Variants in PAK5 observed in about 807,000 individuals in gnomAD.
The protein encoded by PAK5 is serine/threonine-protein kinase PAK 5.
Under a neutral mutation model 65.9 loss-of-function variants are expected in PAK5, and 16 were observed. The ratio of observed to expected loss-of-function variants is 0.24; its 90% confidence interval spans 0.16 to 0.37. PAK5 has a LOEUF of 0.37. PAK5 is among the 10% of genes least tolerant of loss of function. PAK5 has a pLI of 1.00. For missense variants in PAK5, 785 were observed against 903.9 expected (o/e 0.87, Z 1.69); for synonymous variants, 371 against 354.9 (o/e 1.05, Z -0.51).
At chr20:9,766,372 CAAGCAGAATATATA>C (rs2048762021) in intron 1 of PAK5, among the ~76,000 whole-genome samples, 2 of 32,366 alleles carry the variant, frequency 6.2e-5, no homozygotes. Context: ...TATATATATT[CAAGCAGAATATATA>C]TGTATATATA....
chr20:9,669,846 T>C lies in PAK5; in HGVS notation c.-11-25507A>G, dbSNP rs2047470575. Among the ~76,000 whole-genome samples the C allele has an allele frequency of 2.0e-5, 3 of 152,170 alleles. No homozygotes were observed. The South Asian group carries it at 6.2e-4, about 31-fold the overall frequency. On this transcript the variant is annotated intron_variant, in intron 2 of 9. Transcript: ENST00000353224. ...TGCAGGTTTGTTACATACGTATACATGTGCCATGTTGGTGTGCTTTACCCA... is the reference window on the plus strand; with the variant it reads ...TGCAGGTTTGTTACATACGTATACACGTGCCATGTTGGTGTGCTTTACCCA...
At chr20:9,625,525 CT>C (rs2046832260) in intron 3 of PAK5, among the ~76,000 whole-genome samples, 1 of 152,202 alleles carries the variant, frequency 6.6e-6, no homozygotes, top group Non-Finnish European at 1.5e-5. Context: ...AAAAGTAAGA[CT>C]TTTTTGAATT....
chr20:9,651,716 G>A (rs2047205510), intron 2 of PAK5, among the ~76,000 whole-genome samples: 1 of 152,172 alleles, frequency 6.6e-6, no homozygotes, highest in African/African-American at 2.4e-5. Flanking sequence ...GGAGGAAGTA[G>A]TTGGCAGGCA....
chr20:9,599,328 A>C (rs1337095656), intron 3 of PAK5, among the ~76,000 whole-genome samples: 10 of 152,186 alleles, frequency 6.6e-5, no homozygotes, highest in Admixed American at 5.9e-4. Flanking sequence ...ATTGATATAC[A>C]ATAATCTGTT....
intron 6 of PAK5, among the ~76,000 whole-genome samples, chr20:9,560,034 T>G (rs2045568944): frequency 6.6e-6 from 1 of 152,222 alleles, no homozygotes; most frequent in Admixed American, 6.5e-5. Context: ...TTTAATAAAA[T>G]TATTTTCTCT....
In PAK5 at chr20:9,711,429, T is replaced by A. The variant is rs1231595870; in HGVS notation, c.-155A>T. 6.6e-6 allele frequency: 1 copy of A among 152,168 alleles called. No homozygotes were observed. 9.4% of individuals were successfully genotyped at this position (152,168 alleles called of 1,614,324 possible). A position where few individuals can be genotyped will look rare whatever the true frequency, so the allele number is the denominator to read the frequency against. ...AAGAGGTGGAAGCATTTCACCACAG[T>A]GTATTTCTGTAACAATATAGTACCA... On this transcript the variant is annotated 5_prime_UTR_variant, in exon 2 of 10. Coordinates refer to ENST00000353224, the MANE Select transcript of PAK5 (RefSeq NM_177990.4).
intron 2 of PAK5, among the ~76,000 whole-genome samples, chr20:9,654,425 G>T (rs548821382): frequency 1.1e-4 from 17 of 152,132 alleles, no homozygotes; most frequent in African/African-American, 4.1e-4. Flanking sequence ...CAGGGATGAG[G>T]ATGATGACGT....
intron 1 of PAK5, among the ~76,000 whole-genome samples, chr20:9,763,912 T>A (rs1038701023): frequency 6.6e-6 from 1 of 152,124 alleles, no homozygotes; most frequent in Non-Finnish European, 1.5e-5. Context: ...ATCCTTTTTT[T>A]CTGAATCACC....
chr20:9,603,399 T>C (rs1859517968), intron 3 of PAK5, among the ~76,000 whole-genome samples: 1 of 152,146 alleles, frequency 6.6e-6, no homozygotes, highest in South Asian at 2.1e-4. Flanking sequence ...TCCCTTCCAT[T>C]CATTCCACCT....
intron 6 of PAK5, among the ~76,000 whole-genome samples, chr20:9,558,963 C>G (rs1423910897): frequency 6.6e-6 from 1 of 152,168 alleles, no homozygotes; most frequent in East Asian, 1.9e-4. Flanking sequence ...GATTCAAACC[C>G]CACCTCTTTT....
intron 1 of PAK5, among the ~76,000 whole-genome samples, chr20:9,768,266 C>G (rs2048792145): frequency 6.6e-6 from 1 of 151,900 alleles, no homozygotes; most frequent in African/African-American, 2.4e-5. Flanking sequence ...AACCAAATCT[C>G]ACACTTTCTC....
intron 3 of PAK5, among the ~76,000 whole-genome samples, chr20:9,613,390 G>A (rs780037512): frequency 6.6e-6 from 1 of 152,166 alleles, no homozygotes; most frequent in Non-Finnish European, 1.5e-5. Context: ...CCAGTACTGG[G>A]TAGGAAATCT....
At chr20:9,593,648 G>A (rs1372699993) in intron 3 of PAK5, among the ~76,000 whole-genome samples, 2 of 152,112 alleles carry the variant, frequency 1.3e-5, no homozygotes, top group African/African-American at 4.8e-5. Flanking sequence ...GTTCAACTCT[G>A]TTCAACCATT....
chr20:9,550,513 G>A (rs900430409), intron 7 of PAK5, among the ~76,000 whole-genome samples: 21 of 152,198 alleles, frequency 1.4e-4, no homozygotes, highest in African/African-American at 2.2e-4. Flanking sequence ...GAGGAGAGGA[G>A]GGAGTAGGTG....
chr20:9,694,599 C>A (rs2047843646), intron 2 of PAK5, among the ~76,000 whole-genome samples: 1 of 151,946 alleles, frequency 6.6e-6, no homozygotes, highest in Non-Finnish European at 1.5e-5. Context: ...CTTAGCTTCT[C>A]CCACCAGAGA....
chr20:9,656,299 A>AT (rs2047267398), intron 2 of PAK5, among the ~76,000 whole-genome samples: 1 of 152,064 alleles, frequency 6.6e-6, no homozygotes, highest in African/African-American at 2.4e-5. Flanking sequence ...ATTTCCCTTG[A>AT]TAGAGACAAT....
intron 3 of PAK5, among the ~76,000 whole-genome samples, chr20:9,596,622 C>A (rs529998641): frequency 2.4e-4 from 28 of 116,742 alleles, no homozygotes; most frequent in Middle Eastern, 6.3e-3. Flanking sequence ...GGCGACAGAG[C>A]GAGACTCCGT....
chr20:9,546,446 C>G, intron 7 of PAK5, among the ~76,000 whole-genome samples: 1 of 152,118 alleles, frequency 6.6e-6, no homozygotes. Context: ...GTTTTGACCT[C>G]CCAGTACTAT....
intron 3 of PAK5, among the ~76,000 whole-genome samples, chr20:9,593,700 G>A (rs2046214213): frequency 6.6e-6 from 1 of 152,074 alleles, no homozygotes; most frequent in East Asian, 1.9e-4. Context: ...CTTTCCTTTT[G>A]CACCGCAGAA....
Sources: gnomAD v4.1 joint callset for allele counts (sites outside exome capture counted in the v4.1 genomes callset) on GRCh38, gnomAD v4.1.1 for gene constraint, MANE v1.5 for transcripts, NCBI Gene and HGNC (gene_info 2026-07-23, HGNC 2026-07-21) for gene names.